The following COX6C variants were observed in gnomAD, a reference collection of about 807,000 sequenced individuals.
The protein encoded by COX6C is cytochrome c oxidase subunit 6C, also known as cytochrome c oxidase polypeptide VIc.
A neutral mutation model predicts 6.9 loss-of-function variants in COX6C; 3 were observed. That is an observed-to-expected ratio of 0.43 (90% CI 0.20 to 1.12). COX6C has a LOEUF of 1.12. Among genes scored for constraint, COX6C ranks in the 50% most tolerant of loss-of-function variants. The pLI, the probability that COX6C is intolerant of heterozygous loss-of-function variation, is 0.27. For synonymous variants in COX6C, 32 were observed against 32.0 expected (o/e 1.00, Z 0.00); for missense variants, 101 against 97.3 (o/e 1.04, Z -0.16).
intron 2 of COX6C, 96 bp from the exon 3 acceptor site, chr8:99,887,714 T>C: frequency 2.6e-6 from 2 of 755,310 alleles, no homozygotes; most frequent in Non-Finnish European, 4.0e-6. Flanking sequence ...CACATGTTTT[T>C]GTTCACCCTT....
At chr8:99,883,697 C>T (rs1398999069) in intron 3 of COX6C, among the ~76,000 whole-genome samples, 2 of 151,974 alleles carry the variant, frequency 1.3e-5, no homozygotes, top group Non-Finnish European at 2.9e-5. Context: ...CAGCATTATC[C>T]TGATATCAAA....
In COX6C at chr8:99,887,633, T is replaced by C; in HGVS notation, c.115-15A>G. On this transcript the variant is annotated splice_polypyrimidine_tract_variant and intron_variant, in intron 2 of 3. Coordinates refer to ENST00000520468, the MANE Select transcript of COX6C (RefSeq NM_004374.4). ...GCCACACGAAACTAAAAAGCAACCA[T>C]CCATTAGAGTTTATTTTTCAGATTA... 6.6e-7 allele frequency: 1 copy of C among 1,526,462 alleles called. No individual in the cohort carries two copies. Among genetic ancestry groups the C allele is most frequent in the Non-Finnish European group, 8.9e-7 (1 of 1,122,388 alleles). The allele number at this position is 1,526,462 out of a possible 1,614,324, so 94.6% of individuals were successfully genotyped here. A position where few individuals can be genotyped will look rare whatever the true frequency, so the allele number is the denominator to read the frequency against.
Position 99,891,931 on chromosome 8 carries a change from G to A in COX6C, c.91C>T (p.Leu31=). ...NHMAVAFVLS[L]GVAALYKFRV... is the part of the protein sequence containing the mutation. ...ACCTTATACAAAGCTGCAACCCCCAGGGATAGCACGAATGCTACAGCCATA... is the reference window on the plus strand; with the variant it reads ...ACCTTATACAAAGCTGCAACCCCCAAGGATAGCACGAATGCTACAGCCATA... Residue 31 remains leucine, a synonymous_variant, in exon 2 of 4, where the codon CTG becomes TTG. Transcript: ENST00000520468. The A allele has an allele frequency of 1.2e-6, 2 of 1,614,148 alleles. No individual in the cohort carries two copies. The highest frequency in any genetic ancestry group is 2.2e-5 in the East Asian group (1 of 44,882).
intron 2 of COX6C, among the ~76,000 whole-genome samples, chr8:99,889,352 C>T (rs534679743): frequency 2.0e-4 from 30 of 151,136 alleles, no homozygotes; most frequent in Non-Finnish European, 3.7e-4. Flanking sequence ...TGCAGCGGCA[C>T]GATCTCGGCT....
In COX6C at chr8:99,887,567, A is replaced by G. The variant is rs765257378; in HGVS notation, c.166T>C (p.Tyr56His). The G allele has an allele frequency of 1.2e-6, 2 of 1,611,346 alleles. No individual in the cohort carries two copies. The highest frequency in any genetic ancestry group is 2.2e-5 in the South Asian group (2 of 90,334). ...TCCTCAAAATCTTTCATGACATCGT[A>G]GTTTCTGTAGAAATCTGCGTATGCC... is the stretch of plus-strand genomic sequence containing the variant. ...KKAYADFYRN[Y>H]DVMKDFEEMR... The change falls in exon 3 of 4, where the codon TAC becomes CAC. Residue 56 changes from tyrosine (Y) to histidine (H), a missense_variant. By Grantham distance (83) the Tyr-to-His change is moderately conservative. Coordinates refer to ENST00000520468, the MANE Select transcript of COX6C (RefSeq NM_004374.4).
intron 3 of COX6C, among the ~76,000 whole-genome samples, chr8:99,879,878 T>C (rs1413489287): frequency 6.6e-6 from 1 of 152,138 alleles, no homozygotes; most frequent in Non-Finnish European, 1.5e-5. Flanking sequence ...AAAGCAATGA[T>C]GGGTACCATG....
At chr8:99,889,347 C>T (rs200799727) in intron 2 of COX6C, among the ~76,000 whole-genome samples, 2 of 151,164 alleles carry the variant, frequency 1.3e-5, no homozygotes, top group South Asian at 4.2e-4. Flanking sequence ...TGGAGTGCAG[C>T]GGCACGATCT....
At chr8:99,885,575 G>A (rs574709069) in intron 3 of COX6C, among the ~76,000 whole-genome samples, 2 of 152,294 alleles carry the variant, frequency 1.3e-5, no homozygotes, top group South Asian at 2.1e-4. Flanking sequence ...AATCTTAAAT[G>A]ATTTCGGGAA....
At chr8:99,884,786 G>A (rs1311433081) in intron 3 of COX6C, among the ~76,000 whole-genome samples, 1 of 152,120 alleles carries the variant, frequency 6.6e-6, no homozygotes, top group Non-Finnish European at 1.5e-5. Flanking sequence ...ATTAGGCATA[G>A]TAAGAGAGTA....
At chr8:99,892,389 T>C (rs1205180995) in intron 1 of COX6C, among the ~76,000 whole-genome samples, 1 of 152,184 alleles carries the variant, frequency 6.6e-6, no homozygotes, top group Non-Finnish European at 1.5e-5. Context: ...GACTAAACGC[T>C]GTCCTTTATA....
chr8:99,892,189 C>T lies in COX6C; in HGVS notation c.-31-137G>A, dbSNP rs1818065331. 6.8e-6 allele frequency: 4 copies of T among 587,786 alleles called. No individual in the cohort carries two copies. In the Admixed American group the frequency reaches 1.3e-4, roughly 19 times the overall value. 36.4% of individuals were successfully genotyped at this position (587,786 alleles called of 1,614,324 possible). A position where few individuals can be genotyped will look rare whatever the true frequency, so the allele number is the denominator to read the frequency against. On this transcript the variant is annotated intron_variant, in intron 1 of 3. Transcript: ENST00000520468. ...GCAGCAGTTACAAATGAATGTTTTT[C>T]TTTTTTGGCAGAAACAGGGTCTAGC...
chr8:99,887,550 A>C lies in COX6C; in HGVS notation c.183T>G (p.Asp61Glu), dbSNP rs1319654263. ...TACCAGCCTTCCTCATCTCCTCAAA[A>C]TCTTTCATGACATCGTAGTTTCTGT... ...DFYRNYDVMK[D>E]FEEMRKAGIF... The change falls in exon 3 of 4, where the codon GAT becomes GAG. Residue 61 changes from aspartate to glutamate, a missense_variant. Asp to Glu is a conservative substitution (Grantham distance 45). Coordinates refer to ENST00000520468, the MANE Select transcript of COX6C (RefSeq NM_004374.4). 4 of 1,610,500 alleles carry C rather than the reference A, an allele frequency of 2.5e-6. No homozygotes were observed. The East Asian group carries it at 9.0e-5, about 36-fold the overall frequency.
chr8:99,886,927 G>A (rs1259511795), intron 3 of COX6C: 1 of 152,208 alleles, frequency 6.6e-6, no homozygotes, highest in Non-Finnish European at 1.5e-5. Flanking sequence ...ACAACAATGT[G>A]AATGAACTTA....
intron 2 of COX6C, among the ~76,000 whole-genome samples, chr8:99,889,635 G>A (rs888026104): frequency 2.0e-5 from 3 of 151,246 alleles, no homozygotes; most frequent in East Asian, 2.0e-4. Context: ...TGATCTGCCC[G>A]CCTCAGCCTC....
At chr8:99,891,388 T>A (rs955127098) in intron 2 of COX6C, among the ~76,000 whole-genome samples, 20 of 151,758 alleles carry the variant, frequency 1.3e-4, no homozygotes, top group African/African-American at 4.8e-4. Flanking sequence ...TGAAACCTCA[T>A]CTCTACAAAA....
At chr8:99,883,634 T>C (rs1563527165) in intron 3 of COX6C, among the ~76,000 whole-genome samples, 1 of 151,766 alleles carries the variant, frequency 6.6e-6, no homozygotes, top group Non-Finnish European at 1.5e-5. Flanking sequence ...CTCCTCAAGT[T>C]TTTCCAAAAA....
intron 2 of COX6C, among the ~76,000 whole-genome samples, chr8:99,888,631 T>A (rs186350155): frequency 1.3e-3 from 205 of 152,286 alleles, no homozygotes; most frequent in Non-Finnish European, 1.9e-3. Context: ...TCATTACATG[T>A]ACGGTTAATT....
intron 3 of COX6C, among the ~76,000 whole-genome samples, chr8:99,884,865 G>A (rs1184429809): frequency 6.6e-6 from 1 of 152,164 alleles, no homozygotes; most frequent in Non-Finnish European, 1.5e-5. Flanking sequence ...TAAGAGGAAA[G>A]ACATCCTGTG....
chr8:99,887,442 A>G (rs1817959779), intron 3 of COX6C, 48 bp downstream of exon 3: 3 of 1,142,564 alleles, frequency 2.6e-6, no homozygotes, highest in Non-Finnish European at 3.7e-6. Context: ...TTTGCATTTT[A>G]CCACAATTAG....
Sources: gnomAD v4.1 joint callset for allele counts (sites outside exome capture counted in the v4.1 genomes callset) on GRCh38, gnomAD v4.1.1 for gene constraint, MANE v1.5 for transcripts, NCBI Gene and HGNC (gene_info 2026-07-23, HGNC 2026-07-21) for gene names.